Variants in ATP8A2 observed in about 807,000 individuals in gnomAD.
ATP8A2 encodes the protein phospholipid-transporting ATPase IB.
A neutral mutation model predicts 165.6 loss-of-function variants in ATP8A2; 100 were observed. The observed-to-expected ratio is 0.60, with a 90% CI of 0.51 to 0.71. ATP8A2 has a LOEUF of 0.71. ATP8A2 is among the 30% of genes least tolerant of loss of function. The probability of loss-of-function intolerance (pLI) is 0.00; values close to 1 mark genes in which losing one functional copy is unlikely to be tolerated. For missense variants in ATP8A2, 1,227 were observed against 1,479.5 expected (o/e 0.83, Z 2.80); for synonymous variants, 543 against 548.8 (o/e 0.99, Z 0.15).
In ATP8A2 at chr13:25,953,030, A is replaced by G. The variant is rs1955413008; in HGVS notation, c.3184-8545A>G. On this transcript the variant is annotated intron_variant, in intron 33 of 36. Transcript: ENST00000381655. The surrounding 1 kb of genome is among the most constrained non-coding windows in gnomAD (Gnocchi z 6.7). ...ATTTTAGGAGGCAACACTGAGGGGC[A>G]AGGAGGGCTGAGAAGAGAAGGTGGC... Among the ~76,000 whole-genome samples, 1 of 152,192 alleles carries G rather than the reference A, an allele frequency of 6.6e-6. No homozygotes were observed. Among genetic ancestry groups the G allele is most frequent in the Non-Finnish European group, 1.5e-5 (1 of 68,036 alleles).
intron 2 of ATP8A2, among the ~76,000 whole-genome samples, chr13:25,481,463 G>A (rs958760878): frequency 6.6e-6 from 1 of 152,156 alleles, no homozygotes; most frequent in Non-Finnish European, 1.5e-5. Flanking sequence ...ATGCCTGTAT[G>A]ATTCTTAAAC....
intron 2 of ATP8A2, among the ~76,000 whole-genome samples, chr13:25,513,978 G>T (rs1479265721): frequency 6.9e-6 from 1 of 145,238 alleles, no homozygotes; most frequent in East Asian, 2.0e-4. Flanking sequence ...CATGGGGAGT[G>T]GGAGAGGGGG....
At chr13:25,733,431 C>A (rs1566087762) in intron 25 of ATP8A2, among the ~76,000 whole-genome samples, 1 of 152,184 alleles carries the variant, frequency 6.6e-6, no homozygotes, top group South Asian at 2.1e-4. Context: ...ATGCCCATAC[C>A]TGTGTGTGCA....
chr13:25,666,131 G>A (rs957061431), intron 24 of ATP8A2, among the ~76,000 whole-genome samples: 4 of 151,754 alleles, frequency 2.6e-5, no homozygotes, highest in African/African-American at 9.7e-5. Flanking sequence ...ATACTCCCCG[G>A]GAAGGTGTTT....
chr13:25,654,442 G>T (rs2041882385), intron 24 of ATP8A2, among the ~76,000 whole-genome samples: 1 of 152,162 alleles, frequency 6.6e-6, no homozygotes, highest in Admixed American at 6.5e-5. Flanking sequence ...GGGCTCAAAT[G>T]ATCTGCCCGC....
At chr13:25,943,156 G>C (rs1235014777) in intron 33 of ATP8A2, among the ~76,000 whole-genome samples, 2 of 152,100 alleles carry the variant, frequency 1.3e-5, no homozygotes, top group African/African-American at 4.8e-5. Context: ...GGGCCATCTG[G>C]AGAGGCATCC....
intron 24 of ATP8A2, among the ~76,000 whole-genome samples, chr13:25,663,900 T>C (rs1410188043): frequency 6.6e-6 from 1 of 152,138 alleles, no homozygotes; most frequent in African/African-American, 2.4e-5. Context: ...TATTCTGAAG[T>C]TTAATTAGAA....
intron 35 of ATP8A2, among the ~76,000 whole-genome samples, chr13:25,998,554 G>T (rs1416433058): frequency 1.3e-5 from 2 of 152,134 alleles, no homozygotes; most frequent in African/African-American, 4.8e-5. Flanking sequence ...CATTTGCTAG[G>T]TAGGCTTCTT....
At chr13:25,434,390 G>A (rs942647146) in intron 1 of ATP8A2, among the ~76,000 whole-genome samples, 4 of 151,124 alleles carry the variant, frequency 2.6e-5, no homozygotes, top group South Asian at 2.1e-4. Flanking sequence ...TCTGTGTTGC[G>A]CAGGTTGGAG....
At chr13:25,430,373 G>T (rs2138144351) in intron 1 of ATP8A2, among the ~76,000 whole-genome samples, 1 of 152,326 alleles carries the variant, frequency 6.6e-6, no homozygotes, top group Non-Finnish European at 1.5e-5. Flanking sequence ...AATAGGGATT[G>T]CTGCAAGAAT....
At chr13:25,920,943 G>A (rs139657670) in intron 33 of ATP8A2, among the ~76,000 whole-genome samples, 307 of 152,008 alleles carry the variant, frequency 2.0e-3, no homozygotes, top group Non-Finnish European at 3.6e-3. Context: ...GGTGGTGCTC[G>A]CCTATAGTTC....
chr13:25,678,056 C>A (rs2042407472), intron 24 of ATP8A2, among the ~76,000 whole-genome samples: 2 of 152,132 alleles, frequency 1.3e-5, no homozygotes, highest in Admixed American at 6.5e-5. Flanking sequence ...CAGAACATGA[C>A]TCATGATAGC....
intron 33 of ATP8A2, among the ~76,000 whole-genome samples, chr13:25,901,797 T>C (rs544822799): frequency 6.6e-6 from 1 of 152,332 alleles, no homozygotes; most frequent in South Asian, 2.1e-4. Context: ...GCTGGGAAAC[T>C]ATCTCTAAAC....
chr13:25,659,417 G>A (rs971354274), intron 24 of ATP8A2, among the ~76,000 whole-genome samples: 5 of 152,284 alleles, frequency 3.3e-5, no homozygotes, highest in South Asian at 2.1e-4. Context: ...CCTTTCAATG[G>A]TTGTCTGTCT....
chr13:25,930,375 C>G (rs1194278503), intron 33 of ATP8A2, among the ~76,000 whole-genome samples: 1 of 137,414 alleles, frequency 7.3e-6, no homozygotes, highest in Non-Finnish European at 1.6e-5. Flanking sequence ...CCGCCCCCAT[C>G]CCCCACCCCG....
chr13:25,503,825 G>A (rs908874900), intron 2 of ATP8A2, among the ~76,000 whole-genome samples: 1 of 152,138 alleles, frequency 6.6e-6, no homozygotes, highest in Non-Finnish European at 1.5e-5. Context: ...CCTGTTGCCG[G>A]CATTTGGTAG....
intron 1 of ATP8A2, among the ~76,000 whole-genome samples, chr13:25,419,732 A>G (rs1165999063): frequency 6.6e-6 from 1 of 152,210 alleles, no homozygotes; most frequent in Admixed American, 6.5e-5. Flanking sequence ...CAGGGAATTT[A>G]TATCAAATTG....
chr13:25,513,160 AT>A (rs1441823165), intron 2 of ATP8A2, among the ~76,000 whole-genome samples: 1 of 151,238 alleles, frequency 6.6e-6, no homozygotes, highest in African/African-American at 2.4e-5. Context: ...CACCTCTCAG[AT>A]GGGGCGGCTG....
chr13:25,694,009 C>T (rs181919291), intron 24 of ATP8A2, among the ~76,000 whole-genome samples: 168 of 152,274 alleles, frequency 1.1e-3, no homozygotes, highest in African/African-American at 3.7e-3. Flanking sequence ...GGATTACAGG[C>T]GTGCACCACC....
Sources: allele counts gnomAD v4.1 joint callset (sites outside exome capture counted in the v4.1 genomes callset), GRCh38; gene constraint gnomAD v4.1.1; non-coding constraint Gnocchi (gnomAD v3.1); transcripts MANE v1.5; gene names NCBI Gene and HGNC (gene_info 2026-07-23, HGNC 2026-07-21).